Variants in DPYD observed in about 807,000 individuals in gnomAD.
DPYD encodes the protein dihydropyrimidine dehydrogenase.
In DPYD, 109 loss-of-function variants were observed where a neutral mutation model predicts 116.2. The observed-to-expected ratio is 0.94, with a 90% CI of 0.80 to 1.10. The LOEUF is 1.10. DPYD is among the 50% of genes least tolerant of loss of function. The pLI, the probability that DPYD is intolerant of heterozygous loss-of-function variation, is 0.00. For synonymous variants in DPYD, 440 were observed against 432.0 expected (o/e 1.02, Z -0.23); for missense variants, 1,302 against 1,254.5 (o/e 1.04, Z -0.57).
intron 13 of DPYD, among the ~76,000 whole-genome samples, chr1:97,510,119 A>T (rs885086): frequency 6.6e-6 from 1 of 150,450 alleles, no homozygotes; most frequent in African/African-American, 2.4e-5. Context: ...ACAACAACAA[A>T]AAAAAAAAAA....
chr1:97,162,268 C>A (rs1193637816), intron 20 of DPYD, among the ~76,000 whole-genome samples: 2 of 152,166 alleles, frequency 1.3e-5, no homozygotes, highest in Non-Finnish European at 2.9e-5. Flanking sequence ...GCCATTCTAA[C>A]TGGTGTGAGA....
chr1:97,081,685 T>G (rs1307460490), intron 22 of DPYD, among the ~76,000 whole-genome samples: 1 of 151,034 alleles, frequency 6.6e-6, no homozygotes, highest in Non-Finnish European at 1.5e-5. Context: ...CCCCAATTTT[T>G]CTTTCTTTTT....
chr1:97,174,161 A>G (rs1657085744), intron 20 of DPYD, among the ~76,000 whole-genome samples: 2 of 152,226 alleles, frequency 1.3e-5, no homozygotes, highest in Admixed American at 1.3e-4. Context: ...AGGGCAAAAG[A>G]GTCCAGCCCT....
chr1:97,794,906 T>C (rs1371821966), intron 3 of DPYD, among the ~76,000 whole-genome samples: 1 of 152,148 alleles, frequency 6.6e-6, no homozygotes, highest in Non-Finnish European at 1.5e-5. Context: ...AGTTTTAATT[T>C]TTAATTGTTT....
chr1:97,434,725 A>G (rs928983294), intron 14 of DPYD, among the ~76,000 whole-genome samples: 1 of 152,070 alleles, frequency 6.6e-6, no homozygotes, highest in Non-Finnish European at 1.5e-5. Context: ...GCTTTAAAAA[A>G]CAATCTTTTT....
chr1:97,102,724 A>G (rs905232342), intron 20 of DPYD, among the ~76,000 whole-genome samples: 4 of 151,924 alleles, frequency 2.6e-5, no homozygotes, highest in Non-Finnish European at 5.9e-5. Flanking sequence ...TAAAGGCTAA[A>G]CAATTTCCAG....
At chr1:97,538,239 T>C (rs1032928828) in intron 12 of DPYD, among the ~76,000 whole-genome samples, 1 of 152,168 alleles carries the variant, frequency 6.6e-6, no homozygotes, top group Non-Finnish European at 1.5e-5. Context: ...TATCTAGCAA[T>C]GACTGGACTT....
chr1:97,819,154 T>A (rs888713411), intron 3 of DPYD, among the ~76,000 whole-genome samples: 1 of 151,914 alleles, frequency 6.6e-6, no homozygotes, highest in African/African-American at 2.4e-5. Flanking sequence ...CATGGTGAAA[T>A]ATGTGTTTTT....
chr1:97,411,226 G>C (rs1288416036), intron 14 of DPYD, among the ~76,000 whole-genome samples: 1 of 152,086 alleles, frequency 6.6e-6, no homozygotes, highest in Non-Finnish European at 1.5e-5. Flanking sequence ...ATCTCCTTCA[G>C]TACTGCATCT....
chr1:97,403,467 G>T (rs988057051), intron 14 of DPYD, among the ~76,000 whole-genome samples: 3 of 151,984 alleles, frequency 2.0e-5, no homozygotes, highest in African/African-American at 7.2e-5. Flanking sequence ...GTTTTGGAAG[G>T]TTGTTAATTA....
intron 18 of DPYD, among the ~76,000 whole-genome samples, chr1:97,288,985 T>A (rs2100973360): frequency 6.6e-6 from 1 of 152,054 alleles, no homozygotes; most frequent in East Asian, 1.9e-4. Context: ...ATAGATGCAA[T>A]AAAAAATGAT....
At chr1:97,600,532 G>A (rs1179505140) in intron 8 of DPYD, among the ~76,000 whole-genome samples, 2 of 152,124 alleles carry the variant, frequency 1.3e-5, no homozygotes, top group Admixed American at 1.3e-4. Flanking sequence ...ATACTGGATA[G>A]GACTGAAAAC....
At chr1:97,874,947 T>A (rs990448375) in intron 2 of DPYD, among the ~76,000 whole-genome samples, 1 of 151,932 alleles carries the variant, frequency 6.6e-6, no homozygotes, top group South Asian at 2.1e-4. Flanking sequence ...ATAAAATGAA[T>A]CTTAATTCCA....
intron 2 of DPYD, among the ~76,000 whole-genome samples, chr1:97,872,207 A>T (rs1335217586): frequency 6.6e-6 from 1 of 151,844 alleles, no homozygotes; most frequent in Non-Finnish European, 1.5e-5. Flanking sequence ...TGAAGGGAAA[A>T]TTTTTCTTCT....
At chr1:97,184,409 T>C (rs1657857479) in intron 20 of DPYD, among the ~76,000 whole-genome samples, 1 of 152,114 alleles carries the variant, frequency 6.6e-6, no homozygotes, top group African/African-American at 2.4e-5. Context: ...CTGTTTTCTC[T>C]GCAACCTCAC....
chr1:97,779,646 T>A (rs1276272006), intron 3 of DPYD, among the ~76,000 whole-genome samples: 1 of 152,156 alleles, frequency 6.6e-6, no homozygotes. Context: ...TTTGCATTAG[T>A]TGCTAAAGTA....
intron 3 of DPYD, among the ~76,000 whole-genome samples, chr1:97,756,049 T>A (rs778269763): frequency 6.6e-6 from 1 of 152,092 alleles, no homozygotes; most frequent in Non-Finnish European, 1.5e-5. Context: ...AGCACCAACA[T>A]CATATTTATA....
At chr1:97,706,827 C>T (rs1183610565) in intron 5 of DPYD, among the ~76,000 whole-genome samples, 1 of 151,992 alleles carries the variant, frequency 6.6e-6, no homozygotes, top group Admixed American at 6.6e-5. Flanking sequence ...TATCCATGTG[C>T]AGGTTTGCAT....
Position 97,546,700 on chromosome 1 carries a change from A to G in DPYD, c.1524+2860T>C, listed in dbSNP as rs1650894012. The G allele has an allele frequency of 5.0e-6, 8 of 1,613,100 alleles. No individual in the cohort carries two copies. The South Asian group carries it at 6.6e-5, about 13-fold the overall frequency. On this transcript the variant is annotated intron_variant, in intron 12 of 22. Coordinates refer to ENST00000370192, the MANE Select transcript of DPYD (RefSeq NM_000110.4). The stretch of plus-strand genomic sequence containing the variant: ...CATGCCATATCATGTGTGTACACTA[A>G]AAGATACAGAGGAAGTAGAGCTGAA...
Sources: allele counts gnomAD v4.1 joint callset (sites outside exome capture counted in the v4.1 genomes callset), GRCh38; gene constraint gnomAD v4.1.1; transcripts MANE v1.5; gene names NCBI Gene and HGNC (gene_info 2026-07-23, HGNC 2026-07-21).